The following RALGPS1 variants were observed in gnomAD, a reference collection of about 807,000 sequenced individuals.
RALGPS1 encodes Ral GEF with PH domain and SH3 binding motif 1.
Under a neutral mutation model 78.8 loss-of-function variants are expected in RALGPS1, and 19 were observed. That is an observed-to-expected ratio of 0.24 (90% confidence interval 0.17 to 0.35). The LOEUF (loss-of-function observed/expected upper bound fraction) is 0.35, where lower values mean the gene tolerates loss of function less well. Among genes scored for constraint, RALGPS1 ranks in the 10% least tolerant of loss-of-function variants. The probability of loss-of-function intolerance (pLI) is 1.00; values close to 1 mark genes in which losing one functional copy is unlikely to be tolerated. For synonymous variants in RALGPS1, 228 were observed against 256.3 expected (o/e 0.89, Z 1.06); for missense variants, 454 against 688.3 (o/e 0.66, Z 3.81).
At chr9:127,201,930 C>T (rs977263690) in intron 14 of RALGPS1, among the ~76,000 whole-genome samples, 2 of 152,200 alleles carry the variant, frequency 1.3e-5, no homozygotes, top group Non-Finnish European at 2.9e-5. Flanking sequence ...AGACAGAGGC[C>T]GTGGAGCCAG....
At chr9:127,005,030 A>G (rs577947819) in intron 4 of RALGPS1, among the ~76,000 whole-genome samples, 2 of 152,334 alleles carry the variant, frequency 1.3e-5, no homozygotes, top group Non-Finnish European at 2.9e-5. Flanking sequence ...TAACTTAGAC[A>G]TGACTGAGCT....
At chr9:126,970,528 T>C (rs1171785639) in intron 3 of RALGPS1, among the ~76,000 whole-genome samples, 2 of 152,166 alleles carry the variant, frequency 1.3e-5, no homozygotes, top group Non-Finnish European at 1.5e-5. Context: ...CCTTCTAGAA[T>C]GATGCTGCGT....
chr9:127,209,007 C>T (rs2062088674), intron 14 of RALGPS1, among the ~76,000 whole-genome samples: 1 of 152,182 alleles, frequency 6.6e-6, no homozygotes, highest in Non-Finnish European at 1.5e-5. Context: ...GGCCAGAGGG[C>T]CCTGCTCTGG....
intron 8 of RALGPS1, among the ~76,000 whole-genome samples, chr9:127,151,182 CA>C (rs146126037): frequency 3.5e-5 from 5 of 144,646 alleles, no homozygotes; most frequent in Non-Finnish European, 6.0e-5. Context: ...GACTCCGTCT[CA>C]AAAAAAAAAG....
At chr9:127,044,653 TTGGAG>T (rs1406190547) in intron 5 of RALGPS1, among the ~76,000 whole-genome samples, 1 of 152,168 alleles carries the variant, frequency 6.6e-6, no homozygotes, top group Non-Finnish European at 1.5e-5. Context: ...TGCTGAGGTT[TTGGAG>T]TATGAATGAT....
chr9:126,986,492 G>T (rs186541296), intron 4 of RALGPS1, among the ~76,000 whole-genome samples: 1 of 152,138 alleles, frequency 6.6e-6, no homozygotes, highest in African/African-American at 2.4e-5. Flanking sequence ...CCTGGTGGTA[G>T]CAGCCTTCTA....
chr9:126,941,042 C>T (rs2036729636), intron 1 of RALGPS1, among the ~76,000 whole-genome samples: 1 of 152,024 alleles, frequency 6.6e-6, no homozygotes, highest in Non-Finnish European at 1.5e-5. Flanking sequence ...GAATATCCTT[C>T]TATACTTCTA....
intron 8 of RALGPS1, among the ~76,000 whole-genome samples, chr9:127,111,479 A>G (rs1453158929): frequency 6.6e-6 from 1 of 152,226 alleles, no homozygotes; most frequent in Non-Finnish European, 1.5e-5. Context: ...TGGAATGACA[A>G]GACACACCTG....
intron 3 of RALGPS1, among the ~76,000 whole-genome samples, chr9:126,969,189 C>T (rs947190691): frequency 1.3e-5 from 2 of 151,992 alleles, no homozygotes; most frequent in African/African-American, 4.8e-5. Flanking sequence ...TATTGAAATA[C>T]TTTATATTCT....
At chr9:126,941,478 AAAG>A (rs1424102120) in intron 1 of RALGPS1, among the ~76,000 whole-genome samples, 3 of 152,162 alleles carry the variant, frequency 2.0e-5, no homozygotes, top group Non-Finnish European at 4.4e-5. Flanking sequence ...AGTGTAAAAA[AAAG>A]AGAAAATTAT....
intron 8 of RALGPS1, among the ~76,000 whole-genome samples, chr9:127,112,977 G>A (rs572457967): frequency 1.3e-5 from 2 of 152,290 alleles, no homozygotes; most frequent in South Asian, 2.1e-4. Flanking sequence ...AAAGGTGTAG[G>A]GGTAGCTGAC....
intron 11 of RALGPS1, among the ~76,000 whole-genome samples, chr9:127,184,961 G>A (rs1038629181): frequency 2.6e-5 from 4 of 152,172 alleles, no homozygotes; most frequent in African/African-American, 9.7e-5. Context: ...GGATGCTGCC[G>A]GAAATCCGTG....
At chr9:127,151,828 C>T (rs995419068) in intron 8 of RALGPS1, among the ~76,000 whole-genome samples, 1 of 152,102 alleles carries the variant, frequency 6.6e-6, no homozygotes, top group South Asian at 2.1e-4. Flanking sequence ...TGGCTAACTA[C>T]TTGAATTCAG....
chr9:127,210,733 G>A (rs541426601), intron 14 of RALGPS1: 30 of 1,550,664 alleles, frequency 1.9e-5, no homozygotes, highest in South Asian at 1.3e-4. Flanking sequence ...CCCAACTGGC[G>A]GGTTCCAGTT....
chr9:127,148,360 C>T (rs1216281992), intron 8 of RALGPS1, among the ~76,000 whole-genome samples: 2 of 152,244 alleles, frequency 1.3e-5, no homozygotes, highest in East Asian at 3.8e-4. Flanking sequence ...TTCTTCAGTG[C>T]TTGGCCATTG....
At chr9:126,976,874 A>G (rs751241606) in intron 3 of RALGPS1, among the ~76,000 whole-genome samples, 2 of 152,200 alleles carry the variant, frequency 1.3e-5, no homozygotes, top group African/African-American at 2.4e-5. Context: ...GGTCTGAAAA[A>G]TGGTCAGCAT....
intron 3 of RALGPS1, among the ~76,000 whole-genome samples, chr9:126,969,436 A>G (rs1161440493): frequency 6.6e-6 from 1 of 152,170 alleles, no homozygotes; most frequent in African/African-American, 2.4e-5. Context: ...TTATGGTGCT[A>G]GCAACATTTC....
intron 4 of RALGPS1, among the ~76,000 whole-genome samples, chr9:127,033,524 C>A (rs2046604214): frequency 1.3e-5 from 2 of 152,292 alleles, no homozygotes; most frequent in Middle Eastern, 3.4e-3. Context: ...TGGCAAAAAA[C>A]CAATGTTATT....
chr9:127,029,522 G>A (rs1480194383), intron 4 of RALGPS1, among the ~76,000 whole-genome samples: 1 of 152,260 alleles, frequency 6.6e-6, no homozygotes, highest in Admixed American at 6.5e-5. Context: ...ATTGAGCACA[G>A]TGGTGATGTG....
Sources: gnomAD v4.1 joint callset for allele counts (sites outside exome capture counted in the v4.1 genomes callset) on GRCh38, gnomAD v4.1.1 for gene constraint, MANE v1.5 for transcripts, NCBI Gene and HGNC (gene_info 2026-07-23, HGNC 2026-07-21) for gene names.